The following CIAO3 variants were observed in gnomAD, a reference collection of about 807,000 sequenced individuals.
CIAO3 encodes cytosolic iron-sulfur assembly component 3, also known as LET1 like/JFP15.
CIAO3 carries 45 observed loss-of-function variants against 51.5 expected under a neutral mutation model. The observed-to-expected ratio is 0.87, with a 90% CI of 0.69 to 1.12. The LOEUF (loss-of-function observed/expected upper bound fraction) is 1.12. Ranked by LOEUF, CIAO3 falls within the 50% of genes most tolerant of loss-of-function variation. The probability of loss-of-function intolerance (pLI) is 0.00; values close to 1 mark genes in which losing one functional copy is unlikely to be tolerated. For synonymous variants in CIAO3, 314 were observed against 269.3 expected (o/e 1.17, Z -1.63); for missense variants, 668 against 632.5 (o/e 1.06, Z -0.60).
chr16:732,187 C>G (rs1181040005), intron 8 of CIAO3, 114 bp downstream of exon 8: 7 of 1,190,310 alleles, frequency 5.9e-6, no homozygotes, highest in Non-Finnish European at 7.2e-6. Context: ...TATCCAGCCA[C>G]TTCTGTGGAC....
intron 3 of CIAO3, 146 bp from the exon 4 acceptor site, chr16:736,544 TCA>T: frequency 9.8e-7 from 1 of 1,019,462 alleles, no homozygotes. Flanking sequence ...ACACAGAGTC[TCA>T]CTCTGTTGCC....
In CIAO3 at chr16:739,644, T is replaced by C; in HGVS notation, c.161A>G (p.Gln54Arg). Residue 54 changes from glutamine to arginine, a missense_variant and splice_region_variant, in exon 2 of 11, where the codon CAA (glutamine) becomes CGA (arginine). Coordinates refer to ENST00000251588, the MANE Select transcript of CIAO3 (RefSeq NM_022493.3). Reference sequence around the variant, plus strand: ...GTGGAGCAGCCTCCTGTGCCTTACTTGGTTAATTTGGAAGTAGCTCCCGTC... The same window carrying C: ...GTGGAGCAGCCTCCTGTGCCTTACTCGGTTAATTTGGAAGTAGCTCCCGTC... ...EDDGSYFQIN[Q>R]DGGTRRLEKA... 1 of 1,613,988 alleles carries C rather than the reference T, an allele frequency of 6.2e-7. No individual in the cohort carries two copies. Among genetic ancestry groups the C allele is most frequent in the Non-Finnish European group, 8.5e-7 (1 of 1,179,918 alleles).
At chr16:738,770 C>T (rs991634328) in intron 2 of CIAO3, among the ~76,000 whole-genome samples, 20 of 151,644 alleles carry the variant, frequency 1.3e-4, no homozygotes, top group Admixed American at 3.9e-4. Flanking sequence ...GCCTCACCCT[C>T]TTGAGTAGCT....
At position 730,632 on chromosome 16, in the gene CIAO3, G is replaced by A. The variant is rs1271166095; in HGVS notation, c.1216C>T (p.Leu406Phe). Reference sequence around the variant, plus strand: ...CTGCTGGGCCTGTCTGGGGCCTGGAGCTGGCCCCCGCCGTTCAGGCAGCCT... The same window carrying A: ...CTGCTGGGCCTGTCTGGGGCCTGGAACTGGCCCCCGCCGTTCAGGCAGCCT... ...PSGCLNGGGQ[L>F]QAPDRPSREL... The change falls in exon 11 of 11, where the codon CTC becomes TTC. Residue 406 changes from leucine to phenylalanine, a missense_variant. Leu to Phe is a conservative substitution (Grantham distance 22, BLOSUM62 0). Coordinates refer to ENST00000251588, the MANE Select transcript of CIAO3 (RefSeq NM_022493.3). 3 of 1,609,430 alleles carry A rather than the reference G, an allele frequency of 1.9e-6. No individual in the cohort carries two copies. Among genetic ancestry groups the A allele is most frequent in the Admixed American group, 1.7e-5 (1 of 60,014 alleles).
intron 2 of CIAO3, among the ~76,000 whole-genome samples, chr16:738,771 T>G (rs1054130933): frequency 6.6e-6 from 1 of 151,434 alleles, no homozygotes; most frequent in African/African-American, 2.4e-5. Flanking sequence ...CCTCACCCTC[T>G]TGAGTAGCTG....
chr16:738,931 A>G (rs113700822), intron 2 of CIAO3, among the ~76,000 whole-genome samples: 5,045 of 144,762 alleles, frequency 0.035, 287 homozygotes, highest in African/African-American at 0.12. Context: ...AGCGTGAGCC[A>G]CCGCGCCCAG....
In CIAO3 at chr16:730,415, C is replaced by T. The variant is rs750789304; in HGVS notation, c.*2G>A. On this transcript the variant is annotated 3_prime_UTR_variant, in exon 11 of 11. Coordinates refer to ENST00000251588, the MANE Select transcript of CIAO3 (RefSeq NM_022493.3). ...CTCCTGGGAGTCCTGGTCCTGCAGC[C>T]CCTACCACCGGATGCCCAGGCCAGT... The T allele has an allele frequency of 2.0e-5, 32 of 1,600,338 alleles. 1 individual carries two copies. Among genetic ancestry groups the T allele is most frequent in the Non-Finnish European group, 7.6e-6 (9 of 1,179,324 alleles).
At chr16:739,516 C>T (rs531482168) in intron 2 of CIAO3, 127 bp downstream of exon 2, 87 of 963,104 alleles carry the variant, frequency 9.0e-5, no homozygotes, top group Non-Finnish European at 8.1e-6. Context: ...GTGAATTCGA[C>T]CAGTGGGAAA....
chr16:734,523 C>T, intron 5 of CIAO3, 176 bp from the exon 6 acceptor site: 1 of 933,626 alleles, frequency 1.1e-6, no homozygotes. Flanking sequence ...GCAGGCGACA[C>T]CGCCTAGGGA....
At chr16:734,130 A>G (rs2151601799) in intron 6 of CIAO3, 99 bp downstream of exon 6, 1 of 1,060,706 alleles carries the variant, frequency 9.4e-7, no homozygotes, top group Non-Finnish European at 1.4e-6. Flanking sequence ...CGCACAGCAC[A>G]GCGAGGACTC....
At chr16:733,004 T>G (rs2071951) in intron 7 of CIAO3, 1 of 396,934 alleles carries the variant, frequency 2.5e-6, no homozygotes, top group African/African-American at 2.0e-5. Flanking sequence ...GGGTGACTCA[T>G]GGGAGCTGAA....
At chr16:730,746 CTG>C (rs1334901396) in intron 10 of CIAO3, 91 bp from the exon 11 acceptor site, 1 of 1,579,386 alleles carries the variant, frequency 6.3e-7, no homozygotes, top group Non-Finnish European at 8.6e-7. Flanking sequence ...CGGGCCCCCT[CTG>C]TGCCCCACTT....
chr16:733,558 A>G lies in CIAO3; in HGVS notation c.694-131T>C, dbSNP rs529496951. The G allele has an allele frequency of 2.7e-5, 37 of 1,394,358 alleles. 1 individual carries two copies. In the South Asian group the frequency reaches 4.9e-4, roughly 19 times the overall value. The allele number at this position is 1,394,358 out of a possible 1,614,324, so 86.4% of individuals were successfully genotyped here. ...GTGAGCCTCACTCCATTTCCCAGCAAGCCTCCTGCCGGCTCTGCGGATGTG... is the reference window on the plus strand; with the variant it reads ...GTGAGCCTCACTCCATTTCCCAGCAGGCCTCCTGCCGGCTCTGCGGATGTG... On this transcript the variant is annotated intron_variant, in intron 6 of 10. Transcript: ENST00000251588.
chr16:737,293 A>G lies in CIAO3; in HGVS notation c.199T>C (p.Ser67Pro), dbSNP rs199816463. 437 of 1,613,360 alleles carry G rather than the reference A, an allele frequency of 2.7e-4. 4 individuals carry two copies. In the East Asian group the frequency reaches 8.8e-3, roughly 33 times the overall value. The change falls in exon 3 of 11, where the codon TCG becomes CCG. Residue 67 changes from serine (S) to proline (P), a missense_variant. Ser to Pro is a moderately conservative substitution (Grantham distance 74). Transcript: ENST00000251588. The surrounding 1 kb of genome is among the most constrained non-coding windows in gnomAD (Gnocchi z 5.3). ...CTGCACGCCAGGCAGTCGTTTAGCG[A>G]GACCTTGGCCTTCTCCAGCCTCCGG... ...GTRRLEKAKV[S>P]LNDCLACSGC...
Position 740,962 on chromosome 16 carries a change from C to T in CIAO3, c.24G>A (p.Ala8=), listed in dbSNP as rs1374831231. MASPFSG[A]LQLTDLDDFI... ...AGTCATCCAGGTCCGTCAGCTGCAG[C>T]GCCCCGCTGAAGGGCGACGCCATGA... Residue 8 remains alanine, a synonymous_variant, in exon 1 of 11, where the codon GCG becomes GCA. Coordinates refer to ENST00000251588, the MANE Select transcript of CIAO3 (RefSeq NM_022493.3). 9 of 1,517,046 alleles carry T rather than the reference C, an allele frequency of 5.9e-6. No individual in the cohort carries two copies. Among genetic ancestry groups the T allele is most frequent in the Non-Finnish European group, 7.9e-6 (9 of 1,136,280 alleles). 94.0% of individuals were successfully genotyped at this position (1,517,046 alleles called of 1,614,324 possible).
intron 2 of CIAO3, chr16:738,412 G>A (rs1403892927): frequency 2.1e-5 from 17 of 798,726 alleles, no homozygotes; most frequent in African/African-American, 3.8e-5. Flanking sequence ...GCAGTGGTGC[G>A]ATCTCGGCTC....
chr16:734,638 C>T, intron 5 of CIAO3, 99 bp downstream of exon 5: 1 of 1,599,464 alleles, frequency 6.3e-7, no homozygotes, highest in Non-Finnish European at 8.6e-7. Flanking sequence ...GCTTGCGTCT[C>T]CACCCCCCAT....
chr16:734,435 C>T, intron 5 of CIAO3, 88 bp from the exon 6 acceptor site: 2 of 957,112 alleles, frequency 2.1e-6, no homozygotes, highest in Non-Finnish European at 3.2e-6. Context: ...TGGGGGCGGG[C>T]CCGCTCATAC....
chr16:736,486 T>A, intron 3 of CIAO3, 88 bp from the exon 4 acceptor site: 1 of 1,545,854 alleles, frequency 6.5e-7, no homozygotes, highest in East Asian at 2.3e-5. Context: ...TGCTGTCAGC[T>A]GTGGAGAGGG....
Sources: gnomAD v4.1 joint callset for allele counts (sites outside exome capture counted in the v4.1 genomes callset) on GRCh38, gnomAD v4.1.1 for gene constraint, Gnocchi (gnomAD v3.1) non-coding constraint, MANE v1.5 for transcripts, NCBI Gene and HGNC (gene_info 2026-07-23, HGNC 2026-07-21) for gene names.